The following ATP5MC3 variants were observed in gnomAD, a reference collection of about 807,000 sequenced individuals.
The protein encoded by ATP5MC3 is ATP synthase membrane subunit c locus 3.
ATP5MC3 carries 6 observed loss-of-function variants against 15.6 expected under a neutral mutation model. The ratio of observed to expected loss-of-function variants is 0.38; its 90% CI spans 0.21 to 0.76. The LOEUF (loss-of-function observed/expected upper bound fraction) is 0.76, where lower values mean the gene tolerates loss of function less well. Among genes scored for constraint, ATP5MC3 ranks in the 30% least tolerant of loss-of-function variants. ATP5MC3 has a pLI of 0.44. For missense variants in ATP5MC3, 132 were observed against 171.2 expected, an observed-to-expected ratio of 0.77 and a Z score of 1.28; for synonymous variants, 66 against 63.3, an observed-to-expected ratio of 1.04 and a Z score of -0.20.
intron 3 of ATP5MC3, 22 bp from the exon 4 acceptor site, chr2:175,179,272 T>G (rs1225539563): frequency 6.3e-7 from 1 of 1,591,874 alleles, no homozygotes; most frequent in Admixed American, 1.7e-5. Context: ...AAAATAAAGG[T>G]AAAGGTCGTA....
chr2:175,179,834 C>G, intron 3 of ATP5MC3: 1 of 409,916 alleles, frequency 2.4e-6, no homozygotes, highest in East Asian at 5.6e-5. Flanking sequence ...ATAACTGTAG[C>G]TATTATAATT....
At chr2:175,179,999 C>T in intron 3 of ATP5MC3, 99 bp downstream of exon 3, 1 of 1,002,520 alleles carries the variant, frequency 1.0e-6, no homozygotes, top group Non-Finnish European at 1.4e-6. Context: ...GAAAGACTTG[C>T]CCTCAAACTC....
chr2:175,180,882 C>T (rs1700758559), intron 2 of ATP5MC3, among the ~76,000 whole-genome samples: 1 of 152,160 alleles, frequency 6.6e-6, no homozygotes, highest in South Asian at 2.1e-4. Context: ...ACTTTGGGCT[C>T]GTTCCCCCAC....
At position 175,176,904 on chromosome 2, in the gene ATP5MC3, T is replaced by C. The variant is rs1370720711; in HGVS notation, c.*1384A>G. 1.3e-5 allele frequency: 2 copies of C among 152,220 alleles called. No individual in the cohort carries two copies. Among genetic ancestry groups the C allele is most frequent in the African/African-American group, 4.8e-5 (2 of 41,456 alleles). 9.4% of individuals were successfully genotyped at this position (152,220 alleles called of 1,614,324 possible). A position where few individuals can be genotyped will look rare whatever the true frequency, so the allele number is the denominator to read the frequency against. ...ATAGACATTTGGTTGTTTCTACCTT[T>C]CGGCTATTGTAAGTAGTGCTTCTAT... On this transcript the variant is annotated 3_prime_UTR_variant, in exon 5 of 5. Coordinates refer to ENST00000284727, the MANE Select transcript of ATP5MC3 (RefSeq NM_001689.5).
At chr2:175,178,734 T>G (rs1213893690) in intron 4 of ATP5MC3, 25 of 1,163,252 alleles carry the variant, frequency 2.1e-5, no homozygotes, top group Non-Finnish European at 2.7e-5. Context: ...GAATGTGCTC[T>G]AATAATTTTA....
chr2:175,179,541 C>T (rs910796427), intron 3 of ATP5MC3: 24 of 318,724 alleles, frequency 7.5e-5, no homozygotes, highest in African/African-American at 4.9e-4. Flanking sequence ...TGGTCTGTCA[C>T]CCAGGCTGGA....
At chr2:175,178,967 C>T (rs1700727870) in intron 4 of ATP5MC3, 90 bp downstream of exon 4, 1 of 1,529,050 alleles carries the variant, frequency 6.5e-7, no homozygotes, top group Non-Finnish European at 8.8e-7. Flanking sequence ...ACAGAGTAAG[C>T]ACTTAATGCA....
At chr2:175,180,445 AT>A (rs1183309298) in intron 2 of ATP5MC3, among the ~76,000 whole-genome samples, 1 of 152,228 alleles carries the variant, frequency 6.6e-6, no homozygotes, top group South Asian at 2.1e-4. Context: ...TGACATTTCC[AT>A]TATTGTAGTG....
chr2:175,180,955 T>C (rs1465603495), intron 2 of ATP5MC3, among the ~76,000 whole-genome samples: 1 of 152,200 alleles, frequency 6.6e-6, no homozygotes, highest in Non-Finnish European at 1.5e-5. Flanking sequence ...GAGTTTGACC[T>C]ACAGACAGGC....
intron 2 of ATP5MC3, among the ~76,000 whole-genome samples, chr2:175,180,459 G>A (rs1559143417): frequency 1.3e-5 from 2 of 152,096 alleles, no homozygotes; most frequent in South Asian, 2.1e-4. Flanking sequence ...TTGTAGTGCC[G>A]TAAGTCAAGT....
At position 175,180,386 on chromosome 2, in the gene ATP5MC3, C is replaced by G. The variant is rs34091276; in HGVS notation, c.40-208G>C. ...CTAATGAAATTGTAACGCTTGCTAC[C>G]TTGAATAAAATTTCTAATAACAGTT... On this transcript the variant is annotated intron_variant, in intron 2 of 4. Transcript: ENST00000284727. 1.3e-3 allele frequency among the ~76,000 whole-genome samples: 197 copies of G among 152,210 alleles called. 2 individuals carry two copies. Among genetic ancestry groups the G allele is most frequent in the South Asian group, 9.1e-3 (44 of 4,826 alleles).
Position 175,178,077 on chromosome 2 carries a change from T to G in ATP5MC3, c.*211A>C, listed in dbSNP as rs1700714005. On this transcript the variant is annotated 3_prime_UTR_variant, in exon 5 of 5. Coordinates refer to ENST00000284727, the MANE Select transcript of ATP5MC3 (RefSeq NM_001689.5). ...GTAGCTTCCTCTGAATGGGACAGCA[T>G]CTGCCTGAATGCACGTTCTTCTTTG... The G allele has an allele frequency of 4.4e-6, 4 of 901,080 alleles. No individual in the cohort carries two copies. Among genetic ancestry groups the G allele is most frequent in the Non-Finnish European group, 6.1e-6 (4 of 658,766 alleles). The allele number at this position is 901,080 out of a possible 1,614,324, so 55.8% of individuals were successfully genotyped here.
chr2:175,180,583 C>T (rs1489203128), intron 2 of ATP5MC3, among the ~76,000 whole-genome samples: 1 of 152,080 alleles, frequency 6.6e-6, no homozygotes, highest in Non-Finnish European at 1.5e-5. Context: ...CAGTTAATAG[C>T]CCTGACCATT....
rs1042978948 is a variant in ATP5MC3, at chr2:175,177,294, C to T, written c.*994G>A. Reference sequence around the variant, plus strand: ...CTGCTCTTTCTCAATGGAAATCAAACAGGCAAAGGGCACTAAGAAAAGTAA... The same window carrying T: ...CTGCTCTTTCTCAATGGAAATCAAATAGGCAAAGGGCACTAAGAAAAGTAA... On this transcript the variant is annotated 3_prime_UTR_variant, in exon 5 of 5. Transcript: ENST00000284727. The T allele has an allele frequency of 6.6e-6, 1 of 152,158 alleles. No homozygotes were observed. Among genetic ancestry groups the T allele is most frequent in the African/African-American group, 2.4e-5 (1 of 41,436 alleles). 9.4% of individuals were successfully genotyped at this position (152,158 alleles called of 1,614,324 possible).
chr2:175,177,921 T>C lies in ATP5MC3; in HGVS notation c.*367A>G, dbSNP rs1307555136. 1 of 155,624 alleles carries C rather than the reference T, an allele frequency of 6.4e-6. No individual in the cohort carries two copies. The highest frequency in any genetic ancestry group is 1.4e-5 in the Non-Finnish European group (1 of 70,662). 9.6% of individuals were successfully genotyped at this position (155,624 alleles called of 1,614,324 possible). ...TTAATTAATCATATTTTATAGAAGCTCAAAACACCCAAATATTTATCCTTT... is the reference window on the plus strand; with the variant it reads ...TTAATTAATCATATTTTATAGAAGCCCAAAACACCCAAATATTTATCCTTT... On this transcript the variant is annotated 3_prime_UTR_variant, in exon 5 of 5. Coordinates refer to ENST00000284727, the MANE Select transcript of ATP5MC3 (RefSeq NM_001689.5).
chr2:175,180,020 A>C, intron 3 of ATP5MC3, 78 bp downstream of exon 3: 1 of 1,219,286 alleles, frequency 8.2e-7, no homozygotes. Context: ...TTATTAATAA[A>C]GTTTTTTTCC....
intron 2 of ATP5MC3, 32 bp from the exon 3 acceptor site, chr2:175,180,210 A>C: frequency 6.6e-7 from 1 of 1,515,494 alleles, no homozygotes; most frequent in Non-Finnish European, 8.8e-7. Flanking sequence ...AGATTTCAAT[A>C]TTAAGAAAGA....
rs1290117001 is a variant in ATP5MC3 at position 175,176,929 on chromosome 2, T to C, written c.*1359A>G. On this transcript the variant is annotated 3_prime_UTR_variant, in exon 5 of 5. Coordinates refer to ENST00000284727, the MANE Select transcript of ATP5MC3 (RefSeq NM_001689.5). ...TCGGCTATTGTAAGTAGTGCTTCTA[T>C]GAATACTTGTATACAGGTTTTTGTT... 1 of 152,228 alleles carries C rather than the reference T, an allele frequency of 6.6e-6. No individual in the cohort carries two copies. The highest frequency in any genetic ancestry group is 2.4e-5 in the African/African-American group (1 of 41,458). 9.4% of individuals were successfully genotyped at this position (152,228 alleles called of 1,614,324 possible).
chr2:175,181,686 C>T lies in ATP5MC3; in HGVS notation c.-104G>A. ...CAGGAGGCGGCGGCGGCACGGGCTG[C>T]GGCAGAGGTCGAAGGAGTGGGACTC... On this transcript the variant is annotated 5_prime_UTR_variant, in exon 1 of 5. Transcript: ENST00000284727. 4.2e-6 allele frequency: 2 copies of T among 473,926 alleles called. No individual in the cohort carries two copies. Among genetic ancestry groups the T allele is most frequent in the Non-Finnish European group, 3.7e-6 (1 of 268,018 alleles). The allele number at this position is 473,926 out of a possible 1,614,324, so 29.4% of individuals were successfully genotyped here. A position where few individuals can be genotyped will look rare whatever the true frequency, so the allele number is the denominator to read the frequency against.
Sources: gnomAD v4.1 joint callset for allele counts (sites outside exome capture counted in the v4.1 genomes callset) on GRCh38, gnomAD v4.1.1 for gene constraint, MANE v1.5 for transcripts, NCBI Gene and HGNC (gene_info 2026-07-23, HGNC 2026-07-21) for gene names.